KCNH8: variants seen among roughly 807,000 people sequenced by gnomAD.
The protein encoded by KCNH8 is voltage-gated delayed rectifier potassium channel KCNH8.
Under a neutral mutation model 103.6 loss-of-function variants are expected in KCNH8, and 70 were observed. That is an observed-to-expected ratio of 0.68 (90% CI 0.56 to 0.82). The LOEUF (loss-of-function observed/expected upper bound fraction) is 0.82, where lower values mean the gene tolerates loss of function less well. KCNH8 is among the 40% of genes least tolerant of loss of function. The pLI is 0.00. For synonymous variants in KCNH8, 498 were observed against 489.4 expected (o/e 1.02, Z -0.23); for missense variants, 1,217 against 1,329.9 (o/e 0.92, Z 1.32).
At chr3:19,365,921 A>G (rs1226405666) in intron 5 of KCNH8, among the ~76,000 whole-genome samples, 1 of 152,104 alleles carries the variant, frequency 6.6e-6, no homozygotes, top group African/African-American at 2.4e-5. Context: ...TTGATGAAGA[A>G]CATTCCAAGC....
chr3:19,273,346 A>C (rs1247249459), intron 2 of KCNH8, among the ~76,000 whole-genome samples: 1 of 152,180 alleles, frequency 6.6e-6, no homozygotes, highest in African/African-American at 2.4e-5. Flanking sequence ...CCTTGTTCTC[A>C]CAAAGAAGTG....
At chr3:19,283,587 T>G (rs942498011) in intron 3 of KCNH8, among the ~76,000 whole-genome samples, 1 of 151,958 alleles carries the variant, frequency 6.6e-6, no homozygotes. Flanking sequence ...AAATGTCCCA[T>G]AGAAGTATGT....
intron 11 of KCNH8, among the ~76,000 whole-genome samples, chr3:19,463,677 A>G (rs2067679642): frequency 6.6e-6 from 1 of 152,162 alleles, no homozygotes; most frequent in Admixed American, 6.5e-5. Flanking sequence ...ATTTTGCAGA[A>G]AAATATGTCA....
chr3:19,362,880 G>A (rs958928532), intron 5 of KCNH8, among the ~76,000 whole-genome samples: 1 of 151,962 alleles, frequency 6.6e-6, no homozygotes, highest in African/African-American at 2.4e-5. Flanking sequence ...CTAGTTTCCT[G>A]AGCTCAAGTG....
chr3:19,375,164 T>C (rs2066172630), intron 5 of KCNH8, among the ~76,000 whole-genome samples: 1 of 152,018 alleles, frequency 6.6e-6, no homozygotes, highest in Non-Finnish European at 1.5e-5. Flanking sequence ...CCTTGCTAGA[T>C]TGGGGAAGTT....
intron 1 of KCNH8, among the ~76,000 whole-genome samples, chr3:19,247,537 T>C (rs866645547): frequency 6.6e-6 from 1 of 152,198 alleles, no homozygotes. Context: ...TGTCAAAAGT[T>C]CCTGTTTGTT....
Position 19,311,139 on chromosome 3 carries a change from AT to A in KCNH8, c.442+29816del, listed in dbSNP as rs576713684. On this transcript the variant is annotated intron_variant, in intron 3 of 15. Coordinates refer to ENST00000328405, the MANE Select transcript of KCNH8 (RefSeq NM_144633.3). ...ACTCCCTTTATAAGTTCTTTCTCTGATTTTTTACAGTCCTTATATTTGCCTC... is the reference window on the plus strand; with the variant it reads ...ACTCCCTTTATAAGTTCTTTCTCTGATTTTTACAGTCCTTATATTTGCCTC... Among the ~76,000 whole-genome samples, 389 of 151,738 alleles carry A rather than the reference AT, an allele frequency of 2.6e-3. 1 individual carries two copies. Among genetic ancestry groups the A allele is most frequent in the Middle Eastern group, 0.01 (3 of 294 alleles).
chr3:19,512,914 A>T, intron 12 of KCNH8, 56 bp from the exon 13 acceptor site: 1 of 1,485,832 alleles, frequency 6.7e-7, no homozygotes, highest in South Asian at 1.3e-5. Context: ...CATTAATGAT[A>T]TACCTTTTCT....
At chr3:19,171,870 G>T (rs1025857933) in intron 1 of KCNH8, among the ~76,000 whole-genome samples, 5 of 152,118 alleles carry the variant, frequency 3.3e-5, no homozygotes, top group Admixed American at 1.3e-4. Flanking sequence ...TAGTTTGTTG[G>T]TTTTTTCTGC....
At chr3:19,246,659 C>T (rs951827798) in intron 1 of KCNH8, among the ~76,000 whole-genome samples, 1 of 152,086 alleles carries the variant, frequency 6.6e-6, no homozygotes, top group East Asian at 1.9e-4. Flanking sequence ...ATAAGTCTCT[C>T]TTATTTTTTT....
intron 1 of KCNH8, among the ~76,000 whole-genome samples, chr3:19,190,733 T>C (rs1390376061): frequency 6.6e-6 from 1 of 151,944 alleles, no homozygotes; most frequent in East Asian, 1.9e-4. Flanking sequence ...GCAATAAGTT[T>C]GCTTTCACAA....
At chr3:19,268,517 C>T (rs115739189) in intron 2 of KCNH8, among the ~76,000 whole-genome samples, 1,837 of 152,100 alleles carry the variant, frequency 0.012, 13 homozygotes, top group African/African-American at 0.014. Flanking sequence ...GGGATTTTGT[C>T]GACTATTCTC....
At chr3:19,262,012 T>C (rs927733671) in intron 2 of KCNH8, among the ~76,000 whole-genome samples, 3 of 151,926 alleles carry the variant, frequency 2.0e-5, no homozygotes, top group African/African-American at 7.2e-5. Flanking sequence ...TTACTATAGC[T>C]TTATAATATA....
intron 7 of KCNH8, among the ~76,000 whole-genome samples, chr3:19,421,421 C>A (rs2066949611): frequency 6.6e-6 from 1 of 152,132 alleles, no homozygotes; most frequent in South Asian, 2.1e-4. Context: ...AGAATGATAG[C>A]AACCTGTATG....
At chr3:19,258,082 C>G (rs940804050) in intron 2 of KCNH8, among the ~76,000 whole-genome samples, 5 of 151,978 alleles carry the variant, frequency 3.3e-5, no homozygotes, top group South Asian at 4.1e-4. Flanking sequence ...CTCTAATGAC[C>G]TCCTTTTAAC....
intron 1 of KCNH8, among the ~76,000 whole-genome samples, chr3:19,193,581 A>G (rs969402326): frequency 1.3e-5 from 2 of 151,704 alleles, no homozygotes; most frequent in African/African-American, 4.8e-5. Context: ...AACATTCTAT[A>G]AAATTGTCTT....
chr3:19,279,568 TAAAA>T (rs55996488), intron 2 of KCNH8, among the ~76,000 whole-genome samples: 9 of 142,516 alleles, frequency 6.3e-5, no homozygotes, highest in East Asian at 2.1e-4. Flanking sequence ...GCCATAGGGC[TAAAA>T]AAAAAAAAAA....
At chr3:19,479,212 T>C (rs1003987301) in intron 11 of KCNH8, among the ~76,000 whole-genome samples, 14 of 152,112 alleles carry the variant, frequency 9.2e-5, no homozygotes, top group Admixed American at 7.9e-4. Flanking sequence ...CAGTAGCTGA[T>C]TCTCCGGCTC....
At chr3:19,308,072 GATAA>G (rs1333933042) in intron 3 of KCNH8, among the ~76,000 whole-genome samples, 2 of 151,780 alleles carry the variant, frequency 1.3e-5, no homozygotes, top group African/African-American at 4.8e-5. Context: ...ACAGAAAAAT[GATAA>G]ATGTGTAAGA....
Sources: allele counts gnomAD v4.1 joint callset (sites outside exome capture counted in the v4.1 genomes callset), GRCh38; gene constraint gnomAD v4.1.1; transcripts MANE v1.5; gene names NCBI Gene and HGNC (gene_info 2026-07-23, HGNC 2026-07-21).